The following RAB11FIP4 variants were observed in gnomAD, a reference collection of about 807,000 sequenced individuals.
The protein encoded by RAB11FIP4 is RAB11 family interacting protein 4, also known as rab11 family-interacting protein 4.
A neutral mutation model predicts 74.3 loss-of-function variants in RAB11FIP4; 23 were observed. That is an observed-to-expected ratio of 0.31 (90% CI 0.22 to 0.44). The LOEUF (loss-of-function observed/expected upper bound fraction) is 0.44. RAB11FIP4 is among the 20% of genes least tolerant of loss of function. The probability of loss-of-function intolerance (pLI) is 1.00; values close to 1 mark genes in which losing one functional copy is unlikely to be tolerated. For missense variants in RAB11FIP4, 630 were observed against 863.9 expected, an observed-to-expected ratio of 0.73 and a Z score of 3.39; for synonymous variants, 360 against 359.9, an observed-to-expected ratio of 1.00 and a Z score of 0.00.
chr17:31,446,964 G>A (rs2071470612), intron 3 of RAB11FIP4, among the ~76,000 whole-genome samples: 1 of 152,178 alleles, frequency 6.6e-6, no homozygotes, highest in Non-Finnish European at 1.5e-5. Flanking sequence ...AGCTTGGACA[G>A]CAAAGTGAGA....
intron 2 of RAB11FIP4, among the ~76,000 whole-genome samples, chr17:31,433,615 C>T (rs1276736068): frequency 6.6e-6 from 1 of 152,206 alleles, no homozygotes; most frequent in Non-Finnish European, 1.5e-5. Context: ...CAGCCCTGTC[C>T]TGGACGTCCC....
At chr17:31,517,501 C>T (rs1194169330) in intron 3 of RAB11FIP4, 150 bp from the exon 4 acceptor site, 3 of 684,110 alleles carry the variant, frequency 4.4e-6, no homozygotes, top group South Asian at 1.8e-5. Context: ...AATCACCTGC[C>T]AGGTGTTCCC....
intron 3 of RAB11FIP4, chr17:31,465,409 G>A (rs8069395): frequency 0.04 from 6,016 of 151,110 alleles, 258 homozygotes; most frequent in African/African-American, 0.11. Flanking sequence ...CTTTCCATTG[G>A]CCCCAGAGCT....
intron 1 of RAB11FIP4, among the ~76,000 whole-genome samples, chr17:31,423,626 G>A (rs1376871619): frequency 6.6e-6 from 1 of 151,806 alleles, no homozygotes; most frequent in East Asian, 1.9e-4. Context: ...AGTTTTCAAA[G>A]CCTTTGCAGT....
intron 3 of RAB11FIP4, among the ~76,000 whole-genome samples, chr17:31,461,990 G>A (rs1049559879): frequency 6.6e-6 from 1 of 152,030 alleles, no homozygotes; most frequent in Non-Finnish European, 1.5e-5. Context: ...GGCTGGGTGC[G>A]GTGGCTCATG....
chr17:31,507,975 C>T (rs770817454), intron 3 of RAB11FIP4, among the ~76,000 whole-genome samples: 13 of 152,220 alleles, frequency 8.5e-5, no homozygotes, highest in Non-Finnish European at 1.2e-4. Flanking sequence ...AACAGGCATG[C>T]GCCACCACAC....
chr17:31,444,359 C>A (rs1318860040), intron 3 of RAB11FIP4, among the ~76,000 whole-genome samples: 1 of 149,148 alleles, frequency 6.7e-6, no homozygotes, highest in Non-Finnish European at 1.5e-5. Flanking sequence ...ACCCCCCCCA[C>A]CCTTCTAAAG....
At chr17:31,515,429 G>A (rs1388770421) in intron 3 of RAB11FIP4, among the ~76,000 whole-genome samples, 3 of 118,462 alleles carry the variant, frequency 2.5e-5, no homozygotes, top group African/African-American at 7.7e-5. Flanking sequence ...GCCTATCACA[G>A]CACAGGCAGG....
chr17:31,492,391 TCATC>T (rs2072026603), intron 3 of RAB11FIP4, among the ~76,000 whole-genome samples: 2 of 152,188 alleles, frequency 1.3e-5, no homozygotes, highest in Admixed American at 6.5e-5. Flanking sequence ...GGCATCCTGT[TCATC>T]CACCCCCCTG....
chr17:31,505,545 T>TATATATAATAATAATTATAATATATAATA (rs2072315969), intron 3 of RAB11FIP4, among the ~76,000 whole-genome samples: 16 of 88,498 alleles, frequency 1.8e-4, no homozygotes, highest in Admixed American at 7.8e-4. Context: ...TATTATATAT[T>TATATATAATAATAATTATAATATATAATA]ATATATAATA....
At chr17:31,464,978 C>T (rs2071671198) in intron 3 of RAB11FIP4, among the ~76,000 whole-genome samples, 2 of 151,638 alleles carry the variant, frequency 1.3e-5, no homozygotes, top group African/African-American at 2.4e-5. Context: ...AGGCTGGTCT[C>T]GAACTCCTGG....
intron 3 of RAB11FIP4, among the ~76,000 whole-genome samples, chr17:31,477,051 G>A (rs902849260): frequency 6.6e-6 from 1 of 152,248 alleles, no homozygotes; most frequent in South Asian, 2.1e-4. Context: ...GGCAGAGTCT[G>A]CAGCCCTTCT....
chr17:31,507,005 C>T (rs1009267527), intron 3 of RAB11FIP4, among the ~76,000 whole-genome samples: 4 of 152,220 alleles, frequency 2.6e-5, no homozygotes, highest in Admixed American at 6.5e-5. Context: ...CCCAACCGGG[C>T]ACAGTGGCTC....
intron 3 of RAB11FIP4, among the ~76,000 whole-genome samples, chr17:31,508,009 G>A (rs2142786753): frequency 6.6e-6 from 1 of 152,124 alleles, no homozygotes; most frequent in Admixed American, 6.5e-5. Context: ...TGTATTTTTT[G>A]TAGAGATAGG....
intron 3 of RAB11FIP4, among the ~76,000 whole-genome samples, chr17:31,499,480 C>G (rs28555279): frequency 0.19 from 28,862 of 152,066 alleles, 3,020 homozygotes; most frequent in East Asian, 0.49. Flanking sequence ...CTCCGCCTCC[C>G]GAGTAGCTGG....
At chr17:31,447,950 A>G (rs2071484141) in intron 3 of RAB11FIP4, among the ~76,000 whole-genome samples, 1 of 152,082 alleles carries the variant, frequency 6.6e-6, no homozygotes, top group Admixed American at 6.6e-5. Context: ...CCTCTTGAGT[A>G]GCTGGGACTA....
intron 3 of RAB11FIP4, among the ~76,000 whole-genome samples, chr17:31,505,720 A>G (rs2142782763): frequency 8.0e-6 from 1 of 125,200 alleles, no homozygotes; most frequent in South Asian, 2.2e-4. Flanking sequence ...TAATAATATT[A>G]TTATTACTAT....
chr17:31,415,515 C>T (rs1018549332), intron 1 of RAB11FIP4, among the ~76,000 whole-genome samples: 2 of 152,204 alleles, frequency 1.3e-5, no homozygotes, highest in Non-Finnish European at 2.9e-5. Flanking sequence ...TGCTTCTCCA[C>T]TCTGGTTTTC....
chr17:31,408,634 A>G (rs2071064367), intron 1 of RAB11FIP4, among the ~76,000 whole-genome samples: 1 of 152,192 alleles, frequency 6.6e-6, no homozygotes, highest in Admixed American at 6.5e-5. Flanking sequence ...ATCCAGTTCA[A>G]AAGTCATTGT....
Sources: allele counts gnomAD v4.1 joint callset (sites outside exome capture counted in the v4.1 genomes callset), GRCh38; gene constraint gnomAD v4.1.1; transcripts MANE v1.5; gene names NCBI Gene and HGNC (gene_info 2026-07-23, HGNC 2026-07-21).